Variants in SORCS2 observed in about 807,000 individuals in gnomAD.
SORCS2 encodes the protein sortilin related VPS10 domain containing receptor 2.
In SORCS2, 100 loss-of-function variants were observed where a neutral mutation model predicts 141.6. The observed-to-expected ratio is 0.71, with a 90% CI of 0.60 to 0.83. The LOEUF (loss-of-function observed/expected upper bound fraction) is 0.83. Ranked by LOEUF, SORCS2 falls within the 40% of genes least tolerant of loss-of-function variation. The pLI is 0.00. For missense variants in SORCS2, 1,646 were observed against 1,560.2 expected (o/e 1.05, Z -0.93); for synonymous variants, 789 against 676.9 (o/e 1.17, Z -2.57).
chr4:7,388,819 C>T (rs1031546998), intron 1 of SORCS2, among the ~76,000 whole-genome samples: 1 of 152,184 alleles, frequency 6.6e-6, no homozygotes, highest in Non-Finnish European at 1.5e-5. Flanking sequence ...CCGGGGCTGC[C>T]TTGAGTGGTG....
At chr4:7,316,609 G>C (rs980035355) in intron 1 of SORCS2, among the ~76,000 whole-genome samples, 4 of 152,160 alleles carry the variant, frequency 2.6e-5, no homozygotes, top group Admixed American at 2.6e-4. Context: ...ATGTGATAAC[G>C]AATTTAAAGT....
intron 1 of SORCS2, among the ~76,000 whole-genome samples, chr4:7,366,112 G>A (rs1309825202): frequency 6.6e-6 from 1 of 152,120 alleles, no homozygotes; most frequent in Non-Finnish European, 1.5e-5. Context: ...GGTGGGGGGT[G>A]GTGGCACAGG....
chr4:7,409,599 A>T (rs1192133355), intron 2 of SORCS2, among the ~76,000 whole-genome samples: 2 of 152,136 alleles, frequency 1.3e-5, no homozygotes, highest in African/African-American at 4.8e-5. Flanking sequence ...ACCCAAGATG[A>T]TGGGGAAGCT....
In SORCS2 at chr4:7,663,348, G is replaced by C. The variant is rs34428063; in HGVS notation, c.953-1005G>C. Among the ~76,000 whole-genome samples, 46,336 of 152,098 alleles carry C rather than the reference G, an allele frequency of 0.3. 7,849 individuals are homozygous for C. The highest frequency in any genetic ancestry group is 0.47 in the Middle Eastern group (139 of 294). On this transcript the variant is annotated intron_variant, in intron 6 of 26. Coordinates refer to ENST00000507866, the MANE Select transcript of SORCS2 (RefSeq NM_020777.3). This position sits in a 1 kb window ranked among gnomAD's most constrained non-coding sequence, Gnocchi z 4.8. ...TGAGTGATTGAGTGAGTGAGTGAGT[G>C]AGTCAGTCAGTCAGTAGACTGTTGA...
chr4:7,731,223 A>G (rs1302696309), intron 23 of SORCS2, among the ~76,000 whole-genome samples: 2 of 152,264 alleles, frequency 1.3e-5, no homozygotes, highest in Non-Finnish European at 2.9e-5. Flanking sequence ...CAAGGAGGTG[A>G]AAAACTTGTG....
intron 1 of SORCS2, among the ~76,000 whole-genome samples, chr4:7,243,110 C>T (rs1258966221): frequency 1.3e-5 from 2 of 152,202 alleles, no homozygotes; most frequent in African/African-American, 2.4e-5. Context: ...TTTCTTTCTC[C>T]ATGAGGGATC....
At chr4:7,206,126 G>A (rs567608869) in intron 1 of SORCS2, among the ~76,000 whole-genome samples, 3 of 152,258 alleles carry the variant, frequency 2.0e-5, no homozygotes, top group Middle Eastern at 3.4e-3. Flanking sequence ...GGGATGAGAT[G>A]GGGACAGATG....
chr4:7,403,955 A>ATGTGTG (rs750036945), intron 2 of SORCS2, among the ~76,000 whole-genome samples: 5 of 83,496 alleles, frequency 6.0e-5, no homozygotes, highest in Non-Finnish European at 1.3e-4. Flanking sequence ...CTCTGCCTCC[A>ATGTGTG]TGTGTGTATA....
At chr4:7,224,499 GCTT>G (rs1728886691) in intron 1 of SORCS2, among the ~76,000 whole-genome samples, 1 of 152,190 alleles carries the variant, frequency 6.6e-6, no homozygotes, top group African/African-American at 2.4e-5. Flanking sequence ...GTCAGCTGCT[GCTT>G]CTGCCCACAC....
intron 3 of SORCS2, among the ~76,000 whole-genome samples, chr4:7,586,141 A>G (rs1409324628): frequency 2.0e-5 from 3 of 152,136 alleles, no homozygotes; most frequent in African/African-American, 4.8e-5. Flanking sequence ...GGGAACGCCT[A>G]TGATTTGGGG....
intron 2 of SORCS2, among the ~76,000 whole-genome samples, chr4:7,525,761 A>AT (rs1733634929): frequency 3.9e-5 from 4 of 101,952 alleles, no homozygotes; most frequent in African/African-American, 4.3e-5. Context: ...GCCCTCCTGC[A>AT]ATCACCTGTC....
intron 1 of SORCS2, among the ~76,000 whole-genome samples, chr4:7,305,186 C>T (rs1340035833): frequency 3.3e-5 from 5 of 152,050 alleles, no homozygotes; most frequent in Non-Finnish European, 5.9e-5. Flanking sequence ...CGCCTGCCAC[C>T]GCGCCCGGCT....
chr4:7,638,984 C>G (rs1445229398), intron 4 of SORCS2, among the ~76,000 whole-genome samples: 1 of 152,174 alleles, frequency 6.6e-6, no homozygotes, highest in East Asian at 1.9e-4. Context: ...TGGGGTTCAG[C>G]AGGGAACTGA....
chr4:7,436,736 A>G (rs978787242), intron 2 of SORCS2, among the ~76,000 whole-genome samples: 33 of 152,218 alleles, frequency 2.2e-4, no homozygotes, highest in Non-Finnish European at 7.3e-5. Context: ...TCAGTGCACC[A>G]TGGTGGATTT....
intron 2 of SORCS2, among the ~76,000 whole-genome samples, chr4:7,416,961 C>T (rs1420196960): frequency 6.6e-6 from 1 of 152,202 alleles, no homozygotes; most frequent in Non-Finnish European, 1.5e-5. Context: ...CACACACACC[C>T]ACACACCCAT....
chr4:7,674,341 A>G (rs951633657), intron 8 of SORCS2, among the ~76,000 whole-genome samples: 2 of 152,040 alleles, frequency 1.3e-5, no homozygotes, highest in Admixed American at 1.3e-4. Flanking sequence ...GCACTTTGGG[A>G]GGAAGGCGGA....
intron 4 of SORCS2, among the ~76,000 whole-genome samples, chr4:7,649,810 C>T (rs1347744124): frequency 1.3e-5 from 2 of 152,148 alleles, no homozygotes; most frequent in African/African-American, 4.8e-5. Flanking sequence ...TGGTGAACAG[C>T]AGTGGTGGCA....
chr4:7,330,512 G>A (rs1560197454), intron 1 of SORCS2, among the ~76,000 whole-genome samples: 1 of 151,644 alleles, frequency 6.6e-6, no homozygotes, highest in Non-Finnish European at 1.5e-5. Flanking sequence ...TGGGGAAAGA[G>A]CGAGTCTGTG....
intron 3 of SORCS2, among the ~76,000 whole-genome samples, chr4:7,632,358 T>TA (rs1208163362): frequency 3.3e-5 from 5 of 152,166 alleles, no homozygotes; most frequent in Admixed American, 3.3e-4. Context: ...TAGTAAGCAG[T>TA]AAAAATACAC....
Sources: allele counts gnomAD v4.1 joint callset (sites outside exome capture counted in the v4.1 genomes callset), GRCh38; gene constraint gnomAD v4.1.1; non-coding constraint Gnocchi (gnomAD v3.1); transcripts MANE v1.5; gene names NCBI Gene and HGNC (gene_info 2026-07-23, HGNC 2026-07-21).